Variants in GLT1D1 observed in about 807,000 individuals in gnomAD.
GLT1D1 encodes the protein glycosyltransferase 1 domain-containing protein 1.
GLT1D1 carries 21 observed loss-of-function variants against 28.7 expected under a neutral mutation model. That is an observed-to-expected ratio of 0.73 (90% CI 0.52 to 1.05). GLT1D1 has a LOEUF of 1.05. Among genes scored for constraint, GLT1D1 ranks in the 50% least tolerant of loss-of-function variants. The probability of loss-of-function intolerance (pLI) is 0.00; values close to 1 mark genes in which losing one functional copy is unlikely to be tolerated. For synonymous variants in GLT1D1, 147 were observed against 124.8 expected, an observed-to-expected ratio of 1.18 and a Z score of -1.19; for missense variants, 343 against 330.6, an observed-to-expected ratio of 1.04 and a Z score of -0.29.
At chr12:128,921,599 A>G (rs1490240042) in intron 4 of GLT1D1, among the ~76,000 whole-genome samples, 1 of 151,924 alleles carries the variant, frequency 6.6e-6, no homozygotes, top group African/African-American at 2.4e-5. Context: ...TCTGAAAATC[A>G]ATATTGTATC....
At chr12:128,907,829 A>T (rs1010435601) in intron 4 of GLT1D1, among the ~76,000 whole-genome samples, 5 of 152,202 alleles carry the variant, frequency 3.3e-5, no homozygotes, top group Non-Finnish European at 7.3e-5. Context: ...CGGGGCTCAA[A>T]TGTGTGGTAC....
At chr12:128,871,581 A>T (rs1956690165) in intron 1 of GLT1D1, among the ~76,000 whole-genome samples, 1 of 152,210 alleles carries the variant, frequency 6.6e-6, no homozygotes. Flanking sequence ...ACATATTAGT[A>T]CAGTGTAGAA....
intron 3 of GLT1D1, among the ~76,000 whole-genome samples, chr12:128,892,311 G>C (rs1443183412): frequency 6.6e-6 from 1 of 152,022 alleles, no homozygotes; most frequent in Non-Finnish European, 1.5e-5. Context: ...ATGTGTGTGC[G>C]TGTGTGTGTT....
intron 7 of GLT1D1, among the ~76,000 whole-genome samples, chr12:128,967,571 CT>C (rs1878576836): frequency 6.6e-6 from 1 of 152,224 alleles, no homozygotes; most frequent in Non-Finnish European, 1.5e-5. Flanking sequence ...GCTTGCAGCG[CT>C]GTGCACTAGG....
chr12:128,963,444 C>T (rs928194672), intron 7 of GLT1D1, among the ~76,000 whole-genome samples: 2 of 152,062 alleles, frequency 1.3e-5, no homozygotes, highest in South Asian at 2.1e-4. Flanking sequence ...GTCAGGAGTT[C>T]GAGACCATCC....
At chr12:128,853,679 C>G in intron 1 of GLT1D1, 30 bp downstream of exon 1, 2 of 1,080,306 alleles carry the variant, frequency 1.9e-6, no homozygotes, top group East Asian at 6.2e-5. Flanking sequence ...GCCTACGAAG[C>G]CTGGGCCGGG....
intron 4 of GLT1D1, among the ~76,000 whole-genome samples, chr12:128,919,373 C>T (rs139460804): frequency 1.5e-4 from 23 of 152,328 alleles, no homozygotes; most frequent in African/African-American, 5.3e-4. Flanking sequence ...TCATTTAACA[C>T]TGCATATAAA....
chr12:128,919,783 T>C (rs762220901), intron 4 of GLT1D1, among the ~76,000 whole-genome samples: 55 of 152,240 alleles, frequency 3.6e-4, no homozygotes, highest in Non-Finnish European at 6.8e-4. Context: ...GATTCCATGT[T>C]CTATGAATTT....
intron 4 of GLT1D1, among the ~76,000 whole-genome samples, chr12:128,937,104 G>C (rs2135471437): frequency 6.6e-6 from 1 of 152,106 alleles, no homozygotes; most frequent in Non-Finnish European, 1.5e-5. Flanking sequence ...TGAGAGCAGA[G>C]GCATGCTAAT....
chr12:128,946,512 A>G (rs1175482439), intron 5 of GLT1D1, among the ~76,000 whole-genome samples: 2 of 150,978 alleles, frequency 1.3e-5, no homozygotes, highest in Non-Finnish European at 2.9e-5. Context: ...GCGCCCGGCT[A>G]ATCTTTTGTA....
intron 4 of GLT1D1, 117 bp downstream of exon 5, chr12:128,912,577 A>G: frequency 2.5e-6 from 1 of 394,722 alleles, no homozygotes; most frequent in Non-Finnish European, 4.3e-6. Flanking sequence ...ATAAGTTTGC[A>G]TCCTTAAGAG....
At chr12:128,914,220 G>A (rs1285596235) in intron 4 of GLT1D1, among the ~76,000 whole-genome samples, 4 of 151,974 alleles carry the variant, frequency 2.6e-5, no homozygotes, top group Admixed American at 2.6e-4. Context: ...AGACCATCAG[G>A]CATGAGTTGG....
intron 1 of GLT1D1, among the ~76,000 whole-genome samples, chr12:128,860,868 G>A (rs1956346443): frequency 6.6e-6 from 1 of 152,152 alleles, no homozygotes; most frequent in Non-Finnish European, 1.5e-5. Context: ...TGCCAGGAGA[G>A]CCAGGCCGTC....
At chr12:128,903,888 G>T (rs530411379) in intron 4 of GLT1D1, among the ~76,000 whole-genome samples, 21 of 151,712 alleles carry the variant, frequency 1.4e-4, no homozygotes, top group Admixed American at 6.6e-4. Flanking sequence ...CCGCCATCAT[G>T]CCCAGCTAAT....
chr12:128,945,857 A>G (rs7299529), intron 5 of GLT1D1, among the ~76,000 whole-genome samples: 17,321 of 152,252 alleles, frequency 0.11, 1,139 homozygotes, highest in East Asian at 0.15. Context: ...TGACTTCCTC[A>G]GCCTGTGGCT....
chr12:128,861,780 C>A (rs1448899708), intron 1 of GLT1D1, among the ~76,000 whole-genome samples: 2 of 148,794 alleles, frequency 1.3e-5, no homozygotes, highest in Non-Finnish European at 3.0e-5. Flanking sequence ...ACATCCTTTG[C>A]ATCCAAGGCA....
intron 4 of GLT1D1, among the ~76,000 whole-genome samples, chr12:128,939,845 C>CCG (rs1555271974): frequency 6.9e-6 from 1 of 145,362 alleles, no homozygotes; most frequent in African/African-American, 2.6e-5. Flanking sequence ...AAACCCCCCC[C>CCG]CACCGCCGAT....
At chr12:128,971,598 T>C (rs1315071810) in intron 7 of GLT1D1, among the ~76,000 whole-genome samples, 4 of 51,500 alleles carry the variant, frequency 7.8e-5, no homozygotes, top group Non-Finnish European at 1.5e-4. Flanking sequence ...TCTTCCCTCC[T>C]TTCCTCTCTC....
At chr12:128,946,456 C>G (rs1876092270) in intron 5 of GLT1D1, among the ~76,000 whole-genome samples, 1 of 151,824 alleles carries the variant, frequency 6.6e-6, no homozygotes, top group Non-Finnish European at 1.5e-5. Context: ...ACGCCATTCT[C>G]CTGCCTCAGC....
Sources: gnomAD v4.1 joint callset for allele counts (sites outside exome capture counted in the v4.1 genomes callset) on GRCh38, gnomAD v4.1.1 for gene constraint, MANE v1.5 for transcripts, NCBI Gene and HGNC (gene_info 2026-07-23, HGNC 2026-07-21) for gene names.